Variants in CLDN16 observed in about 807,000 individuals in gnomAD.
CLDN16 encodes claudin-16.
CLDN16 carries 13 observed loss-of-function variants against 24.6 expected under a neutral mutation model. The ratio of observed to expected loss-of-function variants is 0.53; its 90% CI spans 0.34 to 0.84. The LOEUF is 0.84. Among genes scored for constraint, CLDN16 ranks in the 40% least tolerant of loss-of-function variants. CLDN16 has a pLI of 0.01. For synonymous variants in CLDN16, 116 were observed against 106.7 expected (o/e 1.09, Z -0.54); for missense variants, 298 against 292.7 (o/e 1.02, Z -0.13).
intron 3 of CLDN16, among the ~76,000 whole-genome samples, chr3:190,407,287 G>A (rs1169115864): frequency 2.0e-5 from 3 of 152,098 alleles, no homozygotes; most frequent in Non-Finnish European, 2.9e-5. Context: ...GCACAGAGTA[G>A]CAGAACTTTG....
intron 2 of CLDN16, chr3:190,371,065 A>T (rs1718131912): frequency 1.0e-5 from 1 of 100,178 alleles, no homozygotes; most frequent in African/African-American, 4.1e-5. Flanking sequence ...ATATAAATTT[A>T]TATAAACAAA....
intron 1 of CLDN16, among the ~76,000 whole-genome samples, chr3:190,326,721 A>G (rs1401089112): frequency 3.3e-5 from 5 of 152,058 alleles, no homozygotes; most frequent in Admixed American, 3.3e-4. Flanking sequence ...TCCCCCATAG[A>G]TTGCCCCCTT....
intron 1 of CLDN16, among the ~76,000 whole-genome samples, chr3:190,344,355 T>C (rs1004508701): frequency 3.3e-5 from 5 of 151,976 alleles, no homozygotes; most frequent in African/African-American, 9.7e-5. Flanking sequence ...TCACTACTGG[T>C]ATTAAAAGTA....
intron 1 of CLDN16, among the ~76,000 whole-genome samples, chr3:190,337,787 CAGAG>C (rs1717344453): frequency 1.3e-5 from 2 of 152,180 alleles, no homozygotes; most frequent in South Asian, 4.1e-4. Flanking sequence ...GAAAGGCTCA[CAGAG>C]AGAGATATTG....
intron 1 of CLDN16, among the ~76,000 whole-genome samples, chr3:190,399,404 C>T (rs1467475345): frequency 6.6e-6 from 1 of 151,878 alleles, no homozygotes; most frequent in Admixed American, 6.6e-5. Flanking sequence ...CCCATCTACT[C>T]GGGAGGCTGA....
the CLDN16 span, among the ~76,000 whole-genome samples, chr3:190,293,234 G>C: frequency 0.16 from 24,417 of 152,014 alleles, 2,304 homozygotes; most frequent in African/African-American, 0.26. Flanking sequence ...TAAAACTATT[G>C]GATCTCATGA....
chr3:190,327,527 A>C (rs997023254), intron 1 of CLDN16, among the ~76,000 whole-genome samples: 3 of 152,226 alleles, frequency 2.0e-5, no homozygotes, highest in Non-Finnish European at 4.4e-5. Context: ...ACAGATGAGA[A>C]AAGTGAGGTG....
the CLDN16 span, among the ~76,000 whole-genome samples, chr3:190,311,820 T>A: frequency 2.6e-5 from 4 of 151,892 alleles, no homozygotes; most frequent in South Asian, 8.4e-4. Context: ...TACACTATAA[T>A]TTTTTAAATA....
At chr3:190,393,998 C>G (rs1718752530) in intron 1 of CLDN16, among the ~76,000 whole-genome samples, 1 of 152,054 alleles carries the variant, frequency 6.6e-6, no homozygotes, top group Non-Finnish European at 1.5e-5. Context: ...GGTGATCCGC[C>G]CACCTCATCC....
the CLDN16 span, among the ~76,000 whole-genome samples, chr3:190,292,872 T>C: frequency 6.6e-6 from 1 of 152,164 alleles, no homozygotes; most frequent in South Asian, 2.1e-4. Context: ...TCAAAACCAT[T>C]CAACAAGTCT....
At chr3:190,326,986 T>A (rs1435726288) in intron 1 of CLDN16, among the ~76,000 whole-genome samples, 1 of 152,198 alleles carries the variant, frequency 6.6e-6, no homozygotes, top group Non-Finnish European at 1.5e-5. Flanking sequence ...AATATGACAC[T>A]AGCTTTATTA....
At chr3:190,391,369 T>A (rs1342459656) in intron 1 of CLDN16, among the ~76,000 whole-genome samples, 1 of 152,090 alleles carries the variant, frequency 6.6e-6, no homozygotes, top group Admixed American at 6.6e-5. Flanking sequence ...AAATTGCTCC[T>A]GCCTCTCAGG....
intron 1 of CLDN16, among the ~76,000 whole-genome samples, chr3:190,392,085 G>A (rs556297370): frequency 1.2e-5 from 1 of 86,494 alleles, no homozygotes; most frequent in Admixed American, 1.2e-4. Context: ...TTAACATCAT[G>A]TCTCCATGAC....
the CLDN16 span, among the ~76,000 whole-genome samples, chr3:190,315,809 T>A: frequency 7.9e-5 from 12 of 152,186 alleles, no homozygotes; most frequent in Admixed American, 2.0e-4. Flanking sequence ...GTCTGAGCAC[T>A]TAGATCGCAG....
the CLDN16 span, among the ~76,000 whole-genome samples, chr3:190,317,100 G>A: frequency 6.6e-6 from 1 of 152,120 alleles, no homozygotes; most frequent in Non-Finnish European, 1.5e-5. Context: ...ACAACAATTT[G>A]GATGAGATAG....
chr3:190,292,947 C>G, the CLDN16 span, among the ~76,000 whole-genome samples: 1 of 152,180 alleles, frequency 6.6e-6, no homozygotes, highest in Non-Finnish European at 1.5e-5. Flanking sequence ...CTGTTCCAAC[C>G]TCTGCCTGTT....
In CLDN16 at chr3:190,404,373, T is replaced by A. The variant is rs962020483; in HGVS notation, c.218-389T>A. On this transcript the variant is annotated intron_variant, in intron 2 of 4. Coordinates refer to ENST00000264734, the MANE Select transcript of CLDN16 (RefSeq NM_006580.4). ...AATTAAAGTGATTATTTATTCAATA[T>A]TTATTAAGAAATTTTTGTAGGACAG... Among the ~76,000 whole-genome samples, 4 of 152,300 alleles carry A rather than the reference T, an allele frequency of 2.6e-5. No individual in the cohort carries two copies. The East Asian group carries it at 7.7e-4, about 29-fold the overall frequency.
intron 3 of CLDN16, among the ~76,000 whole-genome samples, chr3:190,378,545 G>A (rs1718292068): frequency 6.6e-6 from 1 of 152,042 alleles, no homozygotes; most frequent in Non-Finnish European, 1.5e-5. Context: ...ATGAAACCAG[G>A]ATGGCAGTCC....
chr3:190,402,398 G>C lies in CLDN16; in HGVS notation c.176G>C (p.Arg59Pro). 1 of 1,613,928 alleles carries C rather than the reference G, an allele frequency of 6.2e-7. No homozygotes were observed. The highest frequency in any genetic ancestry group is 8.5e-7 in the Non-Finnish European group (1 of 1,179,936). ...GTCACAAATGCTTTTGATGGGATTC[G>C]CACCTGTGATGAGTACGATTCCATA... The part of the protein sequence containing the change: ...ECVTNAFDGI[R>P]TCDEYDSILA... Residue 59 changes from arginine (R) to proline (P), a missense_variant, in exon 2 of 5, where the codon CGC becomes CCC. Physicochemically the swap from Arg to Pro is moderately radical, Grantham distance 103 (BLOSUM62 -2). Transcript: ENST00000264734.
Sources: allele counts gnomAD v4.1 joint callset (sites outside exome capture counted in the v4.1 genomes callset), GRCh38; gene constraint gnomAD v4.1.1; transcripts MANE v1.5; gene names NCBI Gene and HGNC (gene_info 2026-07-23, HGNC 2026-07-21).